SCN10A: variants seen among roughly 807,000 people sequenced by gnomAD.
SCN10A encodes sodium channel protein type 10 subunit alpha.
SCN10A carries 162 observed loss-of-function variants against 170.7 expected under a neutral mutation model. The ratio of observed to expected loss-of-function variants is 0.95; its 90% CI spans 0.84 to 1.08. The LOEUF is 1.08. SCN10A is among the 50% of genes least tolerant of loss of function. SCN10A has a pLI of 0.00. For missense variants in SCN10A, 2,527 were observed against 2,436.9 expected (o/e 1.04, Z -0.78); for synonymous variants, 985 against 904.6 (o/e 1.09, Z -1.59).
chr3:38,770,705 C>T (rs1252058286), intron 5 of SCN10A, among the ~76,000 whole-genome samples: 4 of 151,984 alleles, frequency 2.6e-5, no homozygotes, highest in African/African-American at 9.7e-5. Flanking sequence ...CCATTTGCCC[C>T]CTGGATTCTG....
Position 38,728,841 on chromosome 3 carries a change from C to T in SCN10A, c.2341G>A (p.Gly781Arg), listed in dbSNP as rs148851890. The change falls in exon 16 of 28, where the codon GGA becomes AGA. Residue 781 changes from glycine to arginine, a missense_variant. Physicochemically the swap from Gly to Arg is moderately radical, Grantham distance 125. Coordinates refer to ENST00000449082, the MANE Select transcript of SCN10A (RefSeq NM_006514.4). Reference sequence around the variant, plus strand: ...TTCCCCAGTGCCCCCACTGAGTTTCCGATGATCTTGATGAGTGTGTTTAAG... The same window carrying T: ...TTCCCCAGTGCCCCCACTGAGTTTCTGATGATCTTGATGAGTGTGTTTAAG... ...PTLNTLIKII[G>R]NSVGALGNLT... 3.5e-5 allele frequency: 56 copies of T among 1,614,038 alleles called. No homozygotes were observed. Among genetic ancestry groups the T allele is most frequent in the Middle Eastern group, 1.6e-4 (1 of 6,082 alleles).
At chr3:38,779,713 T>C (rs1271190745) in intron 4 of SCN10A, among the ~76,000 whole-genome samples, 1 of 151,978 alleles carries the variant, frequency 6.6e-6, no homozygotes, top group Non-Finnish European at 1.5e-5. Context: ...AACTGTTTTT[T>C]ATCTTTCCTT....
At chr3:38,701,478 C>A (rs2063155565) in intron 27 of SCN10A, among the ~76,000 whole-genome samples, 2 of 152,214 alleles carry the variant, frequency 1.3e-5, no homozygotes. Context: ...CTGCCCCCTG[C>A]TTTCAAGACC....
intron 1 of SCN10A, among the ~76,000 whole-genome samples, chr3:38,794,291 G>T (rs2126062192): frequency 6.6e-6 from 1 of 152,194 alleles, no homozygotes; most frequent in Non-Finnish European, 1.5e-5. Context: ...CTATGTCATT[G>T]CTTCTTCACC....
chr3:38,750,979 A>G (rs58410551), intron 12 of SCN10A, among the ~76,000 whole-genome samples: 13,939 of 152,104 alleles, frequency 0.092, 1,118 homozygotes, highest in African/African-American at 0.2. Flanking sequence ...TGCCCTGGAG[A>G]CCTACTCTCT....
In SCN10A at chr3:38,697,931, A is replaced by G. The variant is rs1307495200; in HGVS notation, c.5289T>C (p.Ala1763=). 1 of 1,613,910 alleles carries G rather than the reference A, an allele frequency of 6.2e-7. No individual in the cohort carries two copies. Among genetic ancestry groups the G allele is most frequent in the African/African-American group, 1.3e-5 (1 of 74,866 alleles). ...AGAGAGTGTCTGCAAAGTCCGAGAG[A>G]GCAGAAAAGGTAATAAACTGAGTGG... ...PEATQFITFS[A]LSDFADTLSG... The change falls in exon 28 of 28, where the codon GCT becomes GCC. Residue 1763 remains alanine (A), a synonymous_variant. Transcript: ENST00000449082.
intron 1 of SCN10A, among the ~76,000 whole-genome samples, chr3:38,805,981 G>C (rs974376450): frequency 2.0e-5 from 3 of 152,128 alleles, no homozygotes; most frequent in Non-Finnish European, 2.9e-5. Flanking sequence ...GCTAGTGAGC[G>C]CCTAGTCTGG....
In SCN10A at chr3:38,701,934, C is replaced by A. The variant is rs1219508254; in HGVS notation, c.4562G>T (p.Gly1521Val). 1 of 1,614,198 alleles carries A rather than the reference C, an allele frequency of 6.2e-7. No homozygotes were observed. Residue 1521 changes from glycine to valine, a missense_variant, in exon 27 of 28, where the codon GGC becomes GTC. Transcript: ENST00000449082. ...AGCGAACATCTTCATGACACATTCGCCTGTGAAGACGGCCACAAAGAACTG... is the reference window on the plus strand; with the variant it reads ...AGCGAACATCTTCATGACACATTCGACTGTGAAGACGGCCACAAAGAACTG... ...INQFFVAVFT[G>V]ECVMKMFALR...
chr3:38,784,294 C>A (rs930946813), intron 4 of SCN10A, among the ~76,000 whole-genome samples: 3 of 152,014 alleles, frequency 2.0e-5, no homozygotes, highest in African/African-American at 4.8e-5. Flanking sequence ...ACGATCAAGT[C>A]GGCTTCATAC....
chr3:38,732,956 C>T (rs1248095954), intron 15 of SCN10A, among the ~76,000 whole-genome samples: 1 of 152,152 alleles, frequency 6.6e-6, no homozygotes, highest in African/African-American at 2.4e-5. Context: ...ATGTTGAAGA[C>T]TAGTTAAATT....
At position 38,786,541 on chromosome 3, in the gene SCN10A, T is replaced by A. The variant is rs557157259; in HGVS notation, c.470+2415A>T. On this transcript the variant is annotated intron_variant, in intron 4 of 27. Transcript: ENST00000449082. ...ATACCTAATGTAGATGATGGGTTGA[T>A]GGGTGCAGCAAACCACCATGACATG... Among the ~76,000 whole-genome samples, 16 of 152,208 alleles carry A rather than the reference T, an allele frequency of 1.1e-4. No individual in the cohort carries two copies. In the South Asian group the frequency reaches 1.2e-3, roughly 12 times the overall value.
chr3:38,773,958 G>A lies in SCN10A; in HGVS notation c.471-2551C>T, dbSNP rs143067587. Among the ~76,000 whole-genome samples the A allele has an allele frequency of 2.6e-3, 391 of 152,196 alleles. 1 individual carries two copies. Among genetic ancestry groups the A allele is most frequent in the African/African-American group, 8.9e-3 (368 of 41,542 alleles). On this transcript the variant is annotated intron_variant, in intron 4 of 27. Coordinates refer to ENST00000449082, the MANE Select transcript of SCN10A (RefSeq NM_006514.4). ...GTATCAGAAGACACAGGTAAAAAAA[G>A]CTAAAAGTGGTGGCCTCTGGAAAGA...
At chr3:38,773,340 A>G (rs1184367581) in intron 4 of SCN10A, among the ~76,000 whole-genome samples, 3 of 152,188 alleles carry the variant, frequency 2.0e-5, no homozygotes, top group Non-Finnish European at 2.9e-5. Context: ...CTCCATTCAA[A>G]CAAGAAACAT....
intron 1 of SCN10A, among the ~76,000 whole-genome samples, chr3:38,809,254 T>A (rs971912129): frequency 1.3e-5 from 2 of 151,976 alleles, no homozygotes; most frequent in African/African-American, 4.9e-5. Context: ...TGAATGCAAC[T>A]TTTGGAGGAA....
chr3:38,701,245 A>G lies in SCN10A; in HGVS notation c.4657+594T>C, dbSNP rs918778158. Among the ~76,000 whole-genome samples the G allele has an allele frequency of 3.3e-5, 5 of 152,314 alleles. No homozygotes were observed. In the South Asian group the frequency reaches 6.2e-4, roughly 19 times the overall value. On this transcript the variant is annotated intron_variant, in intron 27 of 27. Coordinates refer to ENST00000449082, the MANE Select transcript of SCN10A (RefSeq NM_006514.4). ...CCCAAAATACTGGGCCTGTCATTCAACAACACCCAGACTGGGCCTTAACAG... is the reference window on the plus strand; with the variant it reads ...CCCAAAATACTGGGCCTGTCATTCAGCAACACCCAGACTGGGCCTTAACAG...
chr3:38,814,441 C>T (rs941393801), intron 1 of SCN10A, among the ~76,000 whole-genome samples: 4 of 152,108 alleles, frequency 2.6e-5, no homozygotes, highest in Non-Finnish European at 5.9e-5. Flanking sequence ...GCCTTCTTGA[C>T]TTGATTGGGT....
chr3:38,744,321 T>C (rs995648216), intron 13 of SCN10A, among the ~76,000 whole-genome samples: 8 of 152,172 alleles, frequency 5.3e-5, no homozygotes, highest in Non-Finnish European at 2.9e-5. Context: ...GTTTAGGGTT[T>C]TTTTTACTAT....
In SCN10A at chr3:38,697,687, T is replaced by C; in HGVS notation, c.5533A>G (p.Thr1845Ala). 6.2e-7 allele frequency: 1 copy of C among 1,613,560 alleles called. No homozygotes were observed. Among genetic ancestry groups the C allele is most frequent in the Non-Finnish European group, 8.5e-7 (1 of 1,179,918 alleles). The change falls in exon 28 of 28, where the codon ACT becomes GCT. Residue 1845 changes from threonine (T) to alanine (A), a missense_variant. Coordinates refer to ENST00000449082, the MANE Select transcript of SCN10A (RefSeq NM_006514.4). Reference protein sequence around the residue: ...SKSSYEPIATTLRWKQEDISA... With the variant: ...SKSSYEPIATALRWKQEDISA... ...ATGTCTTCTTGCTTCCATCGGAGAG[T>C]GGTTGCTATTGGTTCATAGGATGAT...
At position 38,727,043 on chromosome 3, in the gene SCN10A, G is replaced by C. The variant is rs191056911; in HGVS notation, c.2650C>G (p.Leu884Val). The change falls in exon 17 of 28, where the codon CTG becomes GTG. Residue 884 changes from leucine (L) to valine (V), a missense_variant. Leu to Val is a conservative substitution (Grantham distance 32, BLOSUM62 1). Transcript: ENST00000449082. ...GAGTTCAATAGCAGGGCGATGAACA[G>C]GTTAAGCACCTGAAGAGAAGGAATG... ...MVLGNLVVLNLFIALLLNSFS... is the reference protein window; with the variant it reads ...MVLGNLVVLNVFIALLLNSFS... 12 of 1,604,398 alleles carry C rather than the reference G, an allele frequency of 7.5e-6. No individual in the cohort carries two copies. The Admixed American group carries it at 1.3e-4, about 18-fold the overall frequency.
Sources: gnomAD v4.1 joint callset for allele counts (sites outside exome capture counted in the v4.1 genomes callset) on GRCh38, gnomAD v4.1.1 for gene constraint, MANE v1.5 for transcripts, NCBI Gene and HGNC (gene_info 2026-07-23, HGNC 2026-07-21) for gene names.